FAM114A1: variants seen among roughly 807,000 people sequenced by gnomAD.
The protein encoded by FAM114A1 is protein NOXP20.
A neutral mutation model predicts 64.3 loss-of-function variants in FAM114A1; 62 were observed. That is an observed-to-expected ratio of 0.96 (90% CI 0.79 to 1.19). The LOEUF (loss-of-function observed/expected upper bound fraction) is 1.19. FAM114A1 is among the 50% of genes most tolerant of loss of function. FAM114A1 has a pLI of 0.00. For missense variants in FAM114A1, 645 were observed against 676.3 expected, an observed-to-expected ratio of 0.95 and a Z score of 0.51; for synonymous variants, 254 against 251.1, an observed-to-expected ratio of 1.01 and a Z score of -0.11.
At chr4:38,905,023 C>G (rs1006644575) in intron 4 of FAM114A1, among the ~76,000 whole-genome samples, 5 of 152,152 alleles carry the variant, frequency 3.3e-5, no homozygotes, top group African/African-American at 1.2e-4. Flanking sequence ...CAAGGTCATT[C>G]AACCAGGCAG....
chr4:38,924,563 A>T (rs1358323650), intron 9 of FAM114A1, among the ~76,000 whole-genome samples: 1 of 152,202 alleles, frequency 6.6e-6, no homozygotes, highest in Non-Finnish European at 1.5e-5. Context: ...CACTGACCTT[A>T]CATGCCTTCA....
Position 38,935,759 on chromosome 4 carries a change from A to G in FAM114A1, c.1505A>G (p.Lys502Arg), listed in dbSNP as rs191602053. The G allele has an allele frequency of 2.1e-5, 34 of 1,612,446 alleles. No homozygotes were observed. The East Asian group carries it at 7.6e-4, about 36-fold the overall frequency. The change falls in exon 13 of 15, where the codon AAG becomes AGG. Residue 502 changes from lysine to arginine, a missense_variant. Coordinates refer to ENST00000358869, the MANE Select transcript of FAM114A1 (RefSeq NM_138389.4). Reference sequence around the variant, plus strand: ...TGCAATGAAGTGGCCTCTTTATCAAAGAAGTTTACGAATTCTTTAACCACT... The same window carrying G: ...TGCAATGAAGTGGCCTCTTTATCAAGGAAGTTTACGAATTCTTTAACCACT... ...AMCNEVASLS[K>R]KFTNSLTTVG...
At chr4:38,934,659 C>T (rs778804501) in intron 12 of FAM114A1, among the ~76,000 whole-genome samples, 1 of 152,138 alleles carries the variant, frequency 6.6e-6, no homozygotes, top group Admixed American at 6.5e-5. Context: ...TTTTTGTCAT[C>T]ATCCATAGTG....
rs765156830 is a variant in FAM114A1, at chr4:38,878,242, A to T, written c.164A>T (p.Asn55Ile). 4 of 1,614,082 alleles carry T rather than the reference A, an allele frequency of 2.5e-6. No homozygotes were observed. The highest frequency in any genetic ancestry group is 3.4e-6 in the Non-Finnish European group (4 of 1,180,050). ...PADPRGEGHE[N>I]AAVQGAGAAA... ...GACCCCAGAGGGGAGGGGCATGAAA[A>T]TGCAGCTGTGCAGGGTGCAGGGGCT... The change falls in exon 3 of 15, where the codon AAT becomes ATT. Residue 55 changes from asparagine to isoleucine, a missense_variant. Asn to Ile is a moderately radical substitution (Grantham distance 149, BLOSUM62 -3). Transcript: ENST00000358869.
intron 12 of FAM114A1, among the ~76,000 whole-genome samples, chr4:38,933,819 C>G (rs1720862904): frequency 6.6e-6 from 1 of 152,162 alleles, no homozygotes; most frequent in South Asian, 2.1e-4. Context: ...ACACACAGGT[C>G]TCAGCACACT....
chr4:38,875,808 C>G (rs1323714945), intron 2 of FAM114A1, among the ~76,000 whole-genome samples: 1 of 152,160 alleles, frequency 6.6e-6, no homozygotes, highest in Non-Finnish European at 1.5e-5. Flanking sequence ...ATAAAAGGCT[C>G]TTATTACTTT....
intron 4 of FAM114A1, among the ~76,000 whole-genome samples, chr4:38,901,046 G>T (rs1376961112): frequency 6.6e-6 from 1 of 151,906 alleles, no homozygotes; most frequent in Non-Finnish European, 1.5e-5. Context: ...TTTTGAAAAA[G>T]AAGGAAAAAG....
At chr4:38,907,471 C>T (rs2109684446) in intron 6 of FAM114A1, among the ~76,000 whole-genome samples, 1 of 152,252 alleles carries the variant, frequency 6.6e-6, no homozygotes, top group South Asian at 2.1e-4. Flanking sequence ...TTTCTTCCAC[C>T]ATTTTATTCT....
At chr4:38,937,158 G>T (rs1040689925) in intron 13 of FAM114A1, among the ~76,000 whole-genome samples, 13 of 152,132 alleles carry the variant, frequency 8.5e-5, no homozygotes, top group African/African-American at 3.1e-4. Context: ...ATTCTAATTA[G>T]GTTGTTTTCT....
At chr4:38,889,054 T>A (rs1047893423) in intron 3 of FAM114A1, among the ~76,000 whole-genome samples, 1 of 152,226 alleles carries the variant, frequency 6.6e-6, no homozygotes, top group African/African-American at 2.4e-5. Context: ...ATTGAAGTAG[T>A]CACTTATTAT....
intron 7 of FAM114A1, among the ~76,000 whole-genome samples, chr4:38,913,255 T>C (rs887542227): frequency 6.6e-6 from 1 of 152,098 alleles, no homozygotes; most frequent in Non-Finnish European, 1.5e-5. Context: ...AAATTGAGAG[T>C]GACTGATGGA....
At chr4:38,882,864 A>T (rs1474116630) in intron 3 of FAM114A1, among the ~76,000 whole-genome samples, 4 of 152,250 alleles carry the variant, frequency 2.6e-5, no homozygotes, top group African/African-American at 7.2e-5. Context: ...ATAACTTGGC[A>T]GATGGGGTGT....
chr4:38,913,198 T>C (rs1176324598), intron 7 of FAM114A1, among the ~76,000 whole-genome samples: 1 of 152,188 alleles, frequency 6.6e-6, no homozygotes, highest in African/African-American at 2.4e-5. Context: ...GTAAACTTAA[T>C]GAGGAATCAC....
Position 38,905,794 on chromosome 4 carries a change from C to T in FAM114A1, c.590C>T (p.Pro197Leu). 1 of 1,614,092 alleles carries T rather than the reference C, an allele frequency of 6.2e-7. No homozygotes were observed. The change falls in exon 6 of 15, where the codon CCA becomes CTA. Residue 197 changes from proline to leucine, a missense_variant. By Grantham distance (98) the Pro-to-Leu change is moderately conservative (BLOSUM62 -3). Transcript: ENST00000358869. ...ACAGATCAGGGCCCTGCAGAAAGCC[C>T]ACCCACTTCCCCTTCATCAGCCTCT... ...AATDQGPAES[P>L]PTSPSSASRG...
chr4:38,910,285 T>C (rs1718413192), intron 7 of FAM114A1, among the ~76,000 whole-genome samples: 1 of 150,868 alleles, frequency 6.6e-6, no homozygotes, highest in Non-Finnish European at 1.5e-5. Context: ...ATTAGTTAGG[T>C]AATTAGCACT....
At chr4:38,911,195 C>T (rs7657170) in intron 7 of FAM114A1, among the ~76,000 whole-genome samples, 73,656 of 152,044 alleles carry the variant, frequency 0.48, 19,994 homozygotes, top group African/African-American at 0.73. Context: ...ACCAGGATGC[C>T]GGTCCCACCC....
At position 38,909,820 on chromosome 4, in the gene FAM114A1, GT is replaced by G. The variant is rs1718360871; in HGVS notation, c.792+1098del. Among the ~76,000 whole-genome samples, 3 of 152,318 alleles carry G rather than the reference GT, an allele frequency of 2.0e-5. No individual in the cohort carries two copies. The South Asian group carries it at 6.2e-4, about 32-fold the overall frequency. On this transcript the variant is annotated intron_variant, in intron 7 of 14. Transcript: ENST00000358869. ...TTCATGGCAACCCCTAGAAGCTTTT[GT>G]TTTAGGCTATTTCTTCTTGTCTCTT...
At position 38,931,603 on chromosome 4, in the gene FAM114A1, G is replaced by A; in HGVS notation, c.1314G>A (p.Lys438=). Residue 438 remains lysine (K), a synonymous_variant, in exon 11 of 15, where the codon AAG becomes AAA. Transcript: ENST00000358869. Reference sequence around the variant, plus strand: ...ACAAAAAGGAGGAAAAGAAAACTAAGACCATAGAGGTAAATTCATTCTAGA... The same window carrying A: ...ACAAAAAGGAGGAAAAGAAAACTAAAACCATAGAGGTAAATTCATTCTAGA... The part of the protein sequence containing the change: ...QEDKKEEKKT[K]TIEEVYMSSI... 1 of 1,612,182 alleles carries A rather than the reference G, an allele frequency of 6.2e-7. No individual in the cohort carries two copies. The highest frequency in any genetic ancestry group is 8.5e-7 in the Non-Finnish European group (1 of 1,179,340).
intron 11 of FAM114A1, among the ~76,000 whole-genome samples, chr4:38,931,961 A>G (rs1011519602): frequency 1.3e-5 from 2 of 152,018 alleles, no homozygotes; most frequent in East Asian, 1.9e-4. Context: ...CCTTCCACAC[A>G]CCTTCTTTAG....
Sources: allele counts gnomAD v4.1 joint callset (sites outside exome capture counted in the v4.1 genomes callset), GRCh38; gene constraint gnomAD v4.1.1; transcripts MANE v1.5; gene names NCBI Gene and HGNC (gene_info 2026-07-23, HGNC 2026-07-21).